The following VAV3 variants were observed in gnomAD, a reference collection of about 807,000 sequenced individuals.
The protein encoded by VAV3 is guanine nucleotide exchange factor VAV3.
In VAV3, 94 loss-of-function variants were observed where a neutral mutation model predicts 131.2. That is an observed-to-expected ratio of 0.72 (90% confidence interval 0.61 to 0.85). The LOEUF is 0.85. Among genes scored for constraint, VAV3 ranks in the 40% least tolerant of loss-of-function variants. The probability of loss-of-function intolerance (pLI) is 0.00; values close to 1 mark genes in which losing one functional copy is unlikely to be tolerated. For missense variants in VAV3, 939 were observed against 1,002.7 expected (o/e 0.94, Z 0.86); for synonymous variants, 349 against 342.0 (o/e 1.02, Z -0.22).
chr1:107,767,958 T>C (rs1317651404), intron 7 of VAV3, among the ~76,000 whole-genome samples: 1 of 152,208 alleles, frequency 6.6e-6, no homozygotes, highest in Non-Finnish European at 1.5e-5. Flanking sequence ...GGAAGTAGGG[T>C]ATTTCATAAA....
chr1:107,833,473 T>C (rs1231028535), intron 2 of VAV3, among the ~76,000 whole-genome samples: 2 of 152,240 alleles, frequency 1.3e-5, no homozygotes, highest in Non-Finnish European at 2.9e-5. Context: ...CAATCCTTTT[T>C]AAAGAAAATA....
At chr1:107,832,115 G>A (rs1668278101) in intron 2 of VAV3, among the ~76,000 whole-genome samples, 1 of 152,218 alleles carries the variant, frequency 6.6e-6, no homozygotes, top group African/African-American at 2.4e-5. Flanking sequence ...CCATGGAAGT[G>A]GCAGTGAAGG....
intron 1 of VAV3, among the ~76,000 whole-genome samples, chr1:107,945,565 T>C (rs1674211927): frequency 6.6e-6 from 1 of 152,100 alleles, no homozygotes. Flanking sequence ...GGCTCATGCC[T>C]GTAATTCCAG....
At chr1:107,796,803 A>AT (rs202047220) in intron 2 of VAV3, among the ~76,000 whole-genome samples, 1,630 of 81,986 alleles carry the variant, frequency 0.02, 15 homozygotes, top group African/African-American at 0.029. Context: ...AAAAAAAAAA[A>AT]AATATATATA....
At chr1:107,703,214 A>G (rs920667904) in intron 17 of VAV3, among the ~76,000 whole-genome samples, 2 of 152,230 alleles carry the variant, frequency 1.3e-5, no homozygotes, top group African/African-American at 4.8e-5. Flanking sequence ...AAGATGGAAC[A>G]ACAAAAATTC....
chr1:107,689,134 G>A (rs999530597), intron 17 of VAV3, among the ~76,000 whole-genome samples: 1 of 152,062 alleles, frequency 6.6e-6, no homozygotes, highest in African/African-American at 2.4e-5. Flanking sequence ...GGGCGCACAC[G>A]GCACTTGGAA....
At chr1:107,771,616 TCAAA>T (rs2102186486) in intron 5 of VAV3, among the ~76,000 whole-genome samples, 1 of 152,280 alleles carries the variant, frequency 6.6e-6, no homozygotes, top group South Asian at 2.1e-4. Flanking sequence ...TTCTTATCTG[TCAAA>T]CAGAGAGAAT....
chr1:107,779,902 AT>A (rs1400886847), intron 2 of VAV3, among the ~76,000 whole-genome samples: 3 of 152,184 alleles, frequency 2.0e-5, no homozygotes, highest in African/African-American at 7.2e-5. Flanking sequence ...AAAAACAAAA[AT>A]CCCAGTTCTG....
intron 22 of VAV3, among the ~76,000 whole-genome samples, chr1:107,607,556 C>A (rs1652380394): frequency 6.6e-6 from 1 of 152,086 alleles, no homozygotes; most frequent in Non-Finnish European, 1.5e-5. Flanking sequence ...TCACCTTTTC[C>A]ACATAATATA....
chr1:107,823,780 T>C (rs1294621067), intron 2 of VAV3, among the ~76,000 whole-genome samples: 1 of 152,154 alleles, frequency 6.6e-6, no homozygotes, highest in Non-Finnish European at 1.5e-5. Context: ...ACAGGATTAG[T>C]GTCCTTATAA....
At chr1:107,815,175 C>A (rs74678088) in intron 2 of VAV3, among the ~76,000 whole-genome samples, 14,180 of 152,248 alleles carry the variant, frequency 0.093, 838 homozygotes, top group East Asian at 0.25. Context: ...AATAGTGTCT[C>A]TCTTAGGAAG....
At chr1:107,817,937 T>C (rs1667630977) in intron 2 of VAV3, among the ~76,000 whole-genome samples, 1 of 152,170 alleles carries the variant, frequency 6.6e-6, no homozygotes, top group African/African-American at 2.4e-5. Context: ...AACCAGAGAC[T>C]TAGGAGACTA....
chr1:107,694,703 T>C (rs1467846792), intron 17 of VAV3, among the ~76,000 whole-genome samples: 2 of 152,160 alleles, frequency 1.3e-5, no homozygotes, highest in East Asian at 1.9e-4. Flanking sequence ...TCTAAGATTA[T>C]AGTGATCTTC....
chr1:107,585,684 A>C (rs1650423871), intron 25 of VAV3, among the ~76,000 whole-genome samples: 2 of 151,934 alleles, frequency 1.3e-5, no homozygotes, highest in African/African-American at 2.4e-5. Flanking sequence ...ATGTCCTATA[A>C]AAGTCATGGA....
intron 7 of VAV3, among the ~76,000 whole-genome samples, chr1:107,767,306 G>A (rs555939556): frequency 1.3e-5 from 2 of 152,286 alleles, no homozygotes; most frequent in South Asian, 2.1e-4. Context: ...GCCAGGATAT[G>A]AGGCAACTTG....
chr1:107,699,301 G>T (rs1659945211), intron 17 of VAV3, among the ~76,000 whole-genome samples: 1 of 152,246 alleles, frequency 6.6e-6, no homozygotes, highest in Non-Finnish European at 1.5e-5. Context: ...CAGGCCCCAT[G>T]CAAGTCTGAA....
chr1:107,737,146 A>C (rs895232117), intron 15 of VAV3, among the ~76,000 whole-genome samples: 1 of 152,246 alleles, frequency 6.6e-6, no homozygotes, highest in Non-Finnish European at 1.5e-5. Flanking sequence ...AAAACTGGCT[A>C]GCCATATGTA....
chr1:107,707,708 T>C (rs1055671460), intron 15 of VAV3, among the ~76,000 whole-genome samples: 2 of 152,196 alleles, frequency 1.3e-5, no homozygotes, highest in Non-Finnish European at 2.9e-5. Context: ...ATTACATGTA[T>C]GAAAAACCTT....
At chr1:107,959,535 C>T (rs533825314) in intron 1 of VAV3, among the ~76,000 whole-genome samples, 5 of 152,122 alleles carry the variant, frequency 3.3e-5, no homozygotes, top group Non-Finnish European at 7.3e-5. Flanking sequence ...CATGTCATCG[C>T]TCCTCCCAAA....
Sources: allele counts gnomAD v4.1 joint callset (sites outside exome capture counted in the v4.1 genomes callset), GRCh38; gene constraint gnomAD v4.1.1; transcripts MANE v1.5; gene names NCBI Gene and HGNC (gene_info 2026-07-23, HGNC 2026-07-21).